Variants in BRINP1 observed in about 807,000 individuals in gnomAD.
BRINP1 encodes the protein BMP/retinoic acid-inducible neural-specific protein 1.
BRINP1 carries 17 observed loss-of-function variants against 72.9 expected under a neutral mutation model. The ratio of observed to expected loss-of-function variants is 0.23; its 90% CI spans 0.16 to 0.35. BRINP1 has a LOEUF of 0.35. BRINP1 is among the 10% of genes least tolerant of loss of function. The pLI, the probability that BRINP1 is intolerant of heterozygous loss-of-function variation, is 1.00. For synonymous variants in BRINP1, 418 were observed against 378.5 expected (o/e 1.10, Z -1.21); for missense variants, 850 against 1,001.6 (o/e 0.85, Z 2.04).
intron 7 of BRINP1, among the ~76,000 whole-genome samples, chr9:119,171,235 C>T (rs1222036983): frequency 1.4e-5 from 2 of 147,580 alleles, no homozygotes; most frequent in Non-Finnish European, 3.0e-5. Context: ...TTCAGGAAAC[C>T]CATCTCATGT....
At chr9:119,184,132 T>C (rs1485453899) in intron 7 of BRINP1, among the ~76,000 whole-genome samples, 2 of 152,182 alleles carry the variant, frequency 1.3e-5, no homozygotes, top group East Asian at 3.8e-4. Context: ...GAACTGGAGA[T>C]GCTTATTTTC....
chr9:119,230,072 TGAGAGAGATGAAAAGTTCAGGAATTG>T (rs574753096), intron 5 of BRINP1, among the ~76,000 whole-genome samples: 1,769 of 151,906 alleles, frequency 0.012, 19 homozygotes, highest in Middle Eastern at 0.027. Context: ...GAAGCTTACC[TGAGAGAGATGAAAAGTTCAGGAATTG>T]GAGAAAGGCT....
chr9:119,328,996 AG>A (rs1223162643), intron 1 of BRINP1, among the ~76,000 whole-genome samples: 2 of 152,166 alleles, frequency 1.3e-5, no homozygotes, highest in Non-Finnish European at 2.9e-5. Flanking sequence ...GAATAAGAAA[AG>A]TTTGCTGCCC....
chr9:119,338,583 C>T (rs1359303643), intron 1 of BRINP1, among the ~76,000 whole-genome samples: 1 of 94,650 alleles, frequency 1.1e-5, no homozygotes, highest in Non-Finnish European at 2.1e-5. Context: ...AAAAAACAGG[C>T]GGGGTGGGGG....
intron 2 of BRINP1, among the ~76,000 whole-genome samples, chr9:119,256,428 C>T (rs1434934451): frequency 3.0e-4 from 46 of 152,036 alleles, no homozygotes; most frequent in Admixed American, 3.0e-3. Flanking sequence ...CTGAAAGTAG[C>T]AAGGCTAAAT....
rs376133206 is a variant in BRINP1, at chr9:119,167,318, G to A, written c.2052C>T (p.Gly684=). The change falls in exon 8 of 8, where the codon GGC becomes GGT. Residue 684 remains glycine, a synonymous_variant. Coordinates refer to ENST00000265922, the MANE Select transcript of BRINP1 (RefSeq NM_014618.3). This position sits in a 1 kb window ranked among gnomAD's most constrained non-coding sequence, Gnocchi z 4.3. ...QQVNQSYTQG[G]QFYSSSSVML... Reference sequence around the variant, plus strand: ...TCACTGACGAAGAGGAATAGAACTGGCCGCCCTGTGTGTAGGACTGGTTGA... The same window carrying A: ...TCACTGACGAAGAGGAATAGAACTGACCGCCCTGTGTGTAGGACTGGTTGA... 36 of 1,614,020 alleles carry A rather than the reference G, an allele frequency of 2.2e-5. No homozygotes were observed. The highest frequency in any genetic ancestry group is 2.4e-5 in the Non-Finnish European group (28 of 1,180,046).
intron 7 of BRINP1, among the ~76,000 whole-genome samples, chr9:119,198,676 T>C (rs1247342604): frequency 9.5e-6 from 1 of 105,084 alleles, no homozygotes; most frequent in African/African-American, 2.9e-5. Context: ...ATATTAATTT[T>C]TTTTTTTTTT....
intron 5 of BRINP1, among the ~76,000 whole-genome samples, chr9:119,230,167 G>A (rs1291573011): frequency 6.6e-6 from 1 of 152,094 alleles, no homozygotes; most frequent in African/African-American, 2.4e-5. Flanking sequence ...GATGCCTGTA[G>A]TGAAATGTAA....
At chr9:119,309,472 G>A (rs1156359926) in intron 2 of BRINP1, among the ~76,000 whole-genome samples, 1 of 152,160 alleles carries the variant, frequency 6.6e-6, no homozygotes, top group African/African-American at 2.4e-5. Context: ...GACAATAATA[G>A]TATTTCCCTT....
chr9:119,333,526 T>A (rs951925661), intron 1 of BRINP1, among the ~76,000 whole-genome samples: 14 of 148,084 alleles, frequency 9.5e-5, no homozygotes, highest in Non-Finnish European at 1.8e-4. Flanking sequence ...AAAAAATAAA[T>A]TTTCCCCTCC....
chr9:119,169,077 C>T (rs1233608012), intron 7 of BRINP1, among the ~76,000 whole-genome samples: 1 of 152,166 alleles, frequency 6.6e-6, no homozygotes, highest in Non-Finnish European at 1.5e-5. Flanking sequence ...TTGGAACCAA[C>T]CAAAATGCCC....
At chr9:119,364,048 G>A (rs1924680) in intron 1 of BRINP1, among the ~76,000 whole-genome samples, 39,247 of 137,492 alleles carry the variant, frequency 0.29, 6,955 homozygotes, top group East Asian at 0.85. Context: ...TGGTGGCATC[G>A]AAGCCCTAAA....
intron 2 of BRINP1, among the ~76,000 whole-genome samples, chr9:119,261,962 T>C (rs940634952): frequency 1.3e-5 from 2 of 152,104 alleles, no homozygotes; most frequent in East Asian, 1.9e-4. Flanking sequence ...CAGAGATAAA[T>C]AATATCTCTT....
chr9:119,197,469 A>T (rs187024323), intron 7 of BRINP1, among the ~76,000 whole-genome samples: 18 of 152,326 alleles, frequency 1.2e-4, no homozygotes, highest in Admixed American at 9.2e-4. Context: ...TAAATGGTCA[A>T]TGTATGACAG....
intron 7 of BRINP1, 48 bp from the exon 8 acceptor site, chr9:119,168,272 CTG>C: frequency 7.1e-7 from 1 of 1,406,588 alleles, no homozygotes; most frequent in South Asian, 1.5e-5. Flanking sequence ...ATGAGTGGGT[CTG>C]TGAGTTACAG....
In BRINP1 at chr9:119,208,820, G is replaced by C. The variant is rs1829887084; in HGVS notation, c.1044C>G (p.Ala348=). 1.9e-6 allele frequency: 3 copies of C among 1,614,148 alleles called. No homozygotes were observed. The East Asian group carries it at 6.7e-5, about 36-fold the overall frequency. Residue 348 remains alanine, a synonymous_variant, in exon 7 of 8, where the codon GCC becomes GCG. Coordinates refer to ENST00000265922, the MANE Select transcript of BRINP1 (RefSeq NM_014618.3). ...LQNRYKLLQS[A]TEAQRQKIQR... is the part of the protein sequence containing the mutation. ...GGATCTTTTGTCTCTGTGCCTCCGT[G>C]GCACTCTGCAGGAGCTTGTAGCGGT... is the stretch of plus-strand genomic sequence containing the variant.
In BRINP1 at chr9:119,265,927, C is replaced by G. The variant is rs186084130; in HGVS notation, c.219-16777G>C. ...AGTGGGTCCCAGAGTCTGTTGTTCC[C>G]TTCTTTTCAACCAGTGGTTTTTAAG... is the stretch of plus-strand genomic sequence containing the variant. On this transcript the variant is annotated intron_variant, in intron 2 of 7. Transcript: ENST00000265922. Among the ~76,000 whole-genome samples the G allele has an allele frequency of 4.6e-5, 7 of 152,288 alleles. No homozygotes were observed. In the East Asian group the frequency reaches 1.4e-3, roughly 29 times the overall value.
At chr9:119,306,067 ACT>A (rs956296758) in intron 2 of BRINP1, among the ~76,000 whole-genome samples, 6 of 151,892 alleles carry the variant, frequency 4.0e-5, no homozygotes, top group African/African-American at 1.2e-4. Flanking sequence ...CAGTTTAAAG[ACT>A]CTGTATCAGT....
intron 5 of BRINP1, among the ~76,000 whole-genome samples, chr9:119,228,760 C>T (rs1445442350): frequency 1.3e-5 from 2 of 152,016 alleles, no homozygotes; most frequent in Non-Finnish European, 1.5e-5. Flanking sequence ...TTATCATTGC[C>T]TCTTCTAGGA....
Sources: gnomAD v4.1 joint callset for allele counts (sites outside exome capture counted in the v4.1 genomes callset) on GRCh38, gnomAD v4.1.1 for gene constraint, Gnocchi (gnomAD v3.1) non-coding constraint, MANE v1.5 for transcripts, NCBI Gene and HGNC (gene_info 2026-07-23, HGNC 2026-07-21) for gene names.